SLC1A1: variants seen among roughly 807,000 people sequenced by gnomAD.
The protein encoded by SLC1A1 is excitatory amino acid transporter 3.
A neutral mutation model predicts 53.3 loss-of-function variants in SLC1A1; 43 were observed. That is an observed-to-expected ratio of 0.81 (90% CI 0.63 to 1.04). The LOEUF (loss-of-function observed/expected upper bound fraction) is 1.04. Among genes scored for constraint, SLC1A1 ranks in the 50% least tolerant of loss-of-function variants. The pLI, the probability that SLC1A1 is intolerant of heterozygous loss-of-function variation, is 0.00. For missense variants in SLC1A1, 748 were observed against 664.9 expected, an observed-to-expected ratio of 1.12 and a Z score of -1.37; for synonymous variants, 307 against 243.2, an observed-to-expected ratio of 1.26 and a Z score of -2.44.
At chr9:4,528,281 G>C (rs542333961) in intron 1 of SLC1A1, among the ~76,000 whole-genome samples, 2 of 150,604 alleles carry the variant, frequency 1.3e-5, no homozygotes, top group South Asian at 2.1e-4. Context: ...TATTAAAAAT[G>C]CAAGTTAGGA....
chr9:4,532,515 A>G (rs989045298), intron 1 of SLC1A1, among the ~76,000 whole-genome samples: 9 of 152,196 alleles, frequency 5.9e-5, no homozygotes, highest in African/African-American at 2.2e-4. Flanking sequence ...TTTAGAGAAA[A>G]AAGAATAAAA....
At chr9:4,505,345 G>A (rs1039066545) in intron 1 of SLC1A1, among the ~76,000 whole-genome samples, 18 of 151,912 alleles carry the variant, frequency 1.2e-4, no homozygotes, top group Admixed American at 3.9e-4. Flanking sequence ...CACCGCACCC[G>A]GCCCATATTT....
In SLC1A1 at chr9:4,574,023, G is replaced by A. The variant is rs778820314; in HGVS notation, c.875+9G>A. 6 of 1,561,722 alleles carry A rather than the reference G, an allele frequency of 3.8e-6. No homozygotes were observed. In the South Asian group the frequency reaches 5.6e-5, roughly 14 times the overall value. ...GCCACAGTCCTGACTGGGTATGTCA[G>A]ACTCAAGAGAAGAGACAGAAACCTC... On this transcript the variant is annotated intron_variant, in intron 8 of 11. Transcript: ENST00000262352.
At chr9:4,582,113 A>T (rs904446166) in intron 10 of SLC1A1, among the ~76,000 whole-genome samples, 2 of 152,218 alleles carry the variant, frequency 1.3e-5, no homozygotes, top group African/African-American at 4.8e-5. Flanking sequence ...TATCCAAGTC[A>T]AGGGATTTTT....
chr9:4,530,341 A>G (rs566668661), intron 1 of SLC1A1, among the ~76,000 whole-genome samples: 1 of 152,272 alleles, frequency 6.6e-6, no homozygotes, highest in East Asian at 1.9e-4. Flanking sequence ...AGCACAACTA[A>G]GTGTACTCAG....
Position 4,585,639 on chromosome 9 carries a change from AACACTAATGGCCAAGTGT to A in SLC1A1, c.*85_*102del, listed in dbSNP as rs2129902669. On this transcript the variant is annotated 3_prime_UTR_variant, in exon 12 of 12. Coordinates refer to ENST00000262352, the MANE Select transcript of SLC1A1 (RefSeq NM_004170.6). ...TCAAACACTGCTTAAGGAAAAGAGAAACACTAATGGCCAAGTGTACATTTGATTTGATATACAGACCTC... is the reference window on the plus strand; with the variant it reads ...TCAAACACTGCTTAAGGAAAAGAGAAACATTTGATTTGATATACAGACCTC... 1.4e-5 allele frequency: 21 copies of A among 1,516,616 alleles called. No homozygotes were observed. In the South Asian group the frequency reaches 1.7e-4, roughly 12 times the overall value. 93.9% of individuals were successfully genotyped at this position (1,516,616 alleles called of 1,614,324 possible).
intron 3 of SLC1A1, among the ~76,000 whole-genome samples, chr9:4,563,245 G>A (rs566950185): frequency 6.6e-6 from 1 of 152,218 alleles, no homozygotes; most frequent in South Asian, 2.1e-4. Context: ...TCAATGAGCT[G>A]ATAAGAAGGG....
chr9:4,540,699 T>C (rs926837655), intron 1 of SLC1A1, among the ~76,000 whole-genome samples: 3 of 152,168 alleles, frequency 2.0e-5, no homozygotes, highest in Non-Finnish European at 4.4e-5. Flanking sequence ...AGTTTGCCCC[T>C]GCCAGTGACA....
chr9:4,525,289 T>C (rs1816219095), intron 1 of SLC1A1, among the ~76,000 whole-genome samples: 1 of 152,186 alleles, frequency 6.6e-6, no homozygotes, highest in African/African-American at 2.4e-5. Context: ...AAGATTAAAA[T>C]CCAGATTTAT....
At chr9:4,535,520 C>T (rs1240606383) in intron 1 of SLC1A1, among the ~76,000 whole-genome samples, 2 of 152,092 alleles carry the variant, frequency 1.3e-5, no homozygotes, top group Admixed American at 6.5e-5. Flanking sequence ...AGGACCTCTT[C>T]AAGGAGAACT....
At chr9:4,519,116 GAAATAA>G (rs1373280938) in intron 1 of SLC1A1, among the ~76,000 whole-genome samples, 1 of 152,194 alleles carries the variant, frequency 6.6e-6, no homozygotes, top group East Asian at 1.9e-4. Flanking sequence ...AAACGGAGCT[GAAATAA>G]AACTTTGGTT....
intron 10 of SLC1A1, among the ~76,000 whole-genome samples, chr9:4,580,351 C>T (rs749337322): frequency 3.2e-4 from 49 of 152,094 alleles, no homozygotes; most frequent in African/African-American, 6.8e-4. Context: ...GAGGCCAAGG[C>T]GGGCGGATCA....
chr9:4,554,712 G>T (rs1048722214), intron 2 of SLC1A1, among the ~76,000 whole-genome samples: 28 of 152,186 alleles, frequency 1.8e-4, no homozygotes, highest in African/African-American at 6.8e-4. Flanking sequence ...TGTTGGCCAA[G>T]GTAAGGATTT....
chr9:4,575,258 C>T (rs1047071237), intron 8 of SLC1A1, among the ~76,000 whole-genome samples: 1 of 152,188 alleles, frequency 6.6e-6, no homozygotes, highest in Non-Finnish European at 1.5e-5. Context: ...AAACTCTAAG[C>T]TGCCAGTTAC....
intron 2 of SLC1A1, among the ~76,000 whole-genome samples, chr9:4,557,133 G>A (rs138849188): frequency 5.3e-5 from 8 of 152,268 alleles, no homozygotes; most frequent in South Asian, 2.1e-4. Context: ...GTAAGCAGAC[G>A]ATTACTTGCA....
At chr9:4,528,718 T>A (rs568170565) in intron 1 of SLC1A1, among the ~76,000 whole-genome samples, 1 of 152,314 alleles carries the variant, frequency 6.6e-6, no homozygotes, top group East Asian at 1.9e-4. Flanking sequence ...AATTGAGCCC[T>A]AACCTTAACA....
In SLC1A1 at chr9:4,582,266, T is replaced by G. The variant is rs1182846224; in HGVS notation, c.1194-772T>G. ...ACCAAGAGGGATCTTTTTAAATACCTGGTAATAAAGTTCACCTGGCTGCCC... is the reference window on the plus strand; with the variant it reads ...ACCAAGAGGGATCTTTTTAAATACCGGGTAATAAAGTTCACCTGGCTGCCC... On this transcript the variant is annotated intron_variant, in intron 10 of 11. Coordinates refer to ENST00000262352, the MANE Select transcript of SLC1A1 (RefSeq NM_004170.6). 3.3e-5 allele frequency among the ~76,000 whole-genome samples: 5 copies of G among 152,214 alleles called. No individual in the cohort carries two copies. In the East Asian group the frequency reaches 7.7e-4, roughly 23 times the overall value.
intron 2 of SLC1A1, among the ~76,000 whole-genome samples, chr9:4,551,920 G>C (rs975360218): frequency 3.3e-5 from 5 of 152,180 alleles, no homozygotes; most frequent in Non-Finnish European, 7.3e-5. Context: ...CGACCACATA[G>C]TGTATAAGGA....
chr9:4,555,921 C>T (rs990386460), intron 2 of SLC1A1, among the ~76,000 whole-genome samples: 15 of 151,868 alleles, frequency 9.9e-5, no homozygotes, highest in African/African-American at 1.2e-4. Flanking sequence ...CAATAACCTT[C>T]GTAAACTATA....
Sources: gnomAD v4.1 joint callset for allele counts (sites outside exome capture counted in the v4.1 genomes callset) on GRCh38, gnomAD v4.1.1 for gene constraint, MANE v1.5 for transcripts, NCBI Gene and HGNC (gene_info 2026-07-23, HGNC 2026-07-21) for gene names.